FHIT: variants seen among roughly 807,000 people sequenced by gnomAD.
FHIT encodes bis(5'-adenosyl)-triphosphatase.
FHIT carries 19 observed loss-of-function variants against 17.9 expected under a neutral mutation model. That is an observed-to-expected ratio of 1.06 (90% CI 0.74 to 1.56). The LOEUF (loss-of-function observed/expected upper bound fraction) is 1.56, where lower values mean the gene tolerates loss of function less well. Ranked by LOEUF, FHIT falls within the 40% of genes most tolerant of loss-of-function variation. The probability of loss-of-function intolerance (pLI) is 0.00; values close to 1 mark genes in which losing one functional copy is unlikely to be tolerated. For missense variants in FHIT, 248 were observed against 189.2 expected (o/e 1.31, Z -1.82); for synonymous variants, 81 against 69.7 (o/e 1.16, Z -0.81).
chr3:60,924,714 C>T (rs1408818707), intron 3 of FHIT, among the ~76,000 whole-genome samples: 1 of 152,108 alleles, frequency 6.6e-6, no homozygotes, highest in Non-Finnish European at 1.5e-5. Flanking sequence ...CGGAGAATGA[C>T]TTTGACGAGT....
intron 4 of FHIT, among the ~76,000 whole-genome samples, chr3:60,806,132 C>G (rs1211940705): frequency 1.3e-5 from 2 of 152,202 alleles, no homozygotes; most frequent in Admixed American, 1.3e-4. Flanking sequence ...ATGTGGCACT[C>G]AAATACACAA....
At chr3:60,475,414 T>C (rs1419337839) in intron 5 of FHIT, among the ~76,000 whole-genome samples, 2 of 152,202 alleles carry the variant, frequency 1.3e-5, no homozygotes, top group Non-Finnish European at 2.9e-5. Context: ...AGAAAATAGA[T>C]TGAATACTGT....
In FHIT at chr3:60,970,263, T is replaced by G. The variant is rs77949539; in HGVS notation, c.-111+71784A>C. ...AAATATTTTGAGACCATGCTATATG[T>G]ACCTATACATATAGCTATGTCTGCT... On this transcript the variant is annotated intron_variant, in intron 3 of 9. Coordinates refer to ENST00000492590, the MANE Select transcript of FHIT (RefSeq NM_002012.4). Among the ~76,000 whole-genome samples, 15 of 152,358 alleles carry G rather than the reference T, an allele frequency of 9.8e-5. No homozygotes were observed. The East Asian group carries it at 2.9e-3, about 29-fold the overall frequency.
At chr3:60,644,161 G>A (rs1451991214) in intron 4 of FHIT, among the ~76,000 whole-genome samples, 1 of 152,152 alleles carries the variant, frequency 6.6e-6, no homozygotes, top group African/African-American at 2.4e-5. Context: ...TGCACTGGAG[G>A]AAAGATGTTC....
At chr3:60,540,564 T>C (rs957432719) in intron 4 of FHIT, among the ~76,000 whole-genome samples, 36 of 152,334 alleles carry the variant, frequency 2.4e-4, no homozygotes, top group African/African-American at 8.4e-4. Context: ...GCTTTGTGTG[T>C]TGGGGGGAAA....
At chr3:61,196,327 T>A (rs186041087) in intron 2 of FHIT, among the ~76,000 whole-genome samples, 93 of 152,210 alleles carry the variant, frequency 6.1e-4, no homozygotes, top group East Asian at 4.6e-3. Flanking sequence ...AAAATAAAAA[T>A]AAAATGTAAA....
intron 8 of FHIT, among the ~76,000 whole-genome samples, chr3:59,821,187 T>C (rs1242243864): frequency 6.6e-6 from 1 of 151,974 alleles, no homozygotes; most frequent in Non-Finnish European, 1.5e-5. Context: ...GGCAAGATAT[T>C]TGAGGAAGAA....
chr3:60,595,293 C>T (rs552065543), intron 4 of FHIT, among the ~76,000 whole-genome samples: 12 of 151,396 alleles, frequency 7.9e-5, no homozygotes, highest in African/African-American at 2.2e-4. Flanking sequence ...GGAGAGCCAA[C>T]GAGGAGAAAT....
chr3:60,567,969 A>G (rs1325222105), intron 4 of FHIT, among the ~76,000 whole-genome samples: 3 of 152,196 alleles, frequency 2.0e-5, no homozygotes, highest in African/African-American at 7.2e-5. Flanking sequence ...CAGGTGCTGG[A>G]GAGGATGTGG....
chr3:61,082,141 A>T (rs1258557931), intron 2 of FHIT, among the ~76,000 whole-genome samples: 1 of 152,176 alleles, frequency 6.6e-6, no homozygotes, highest in Non-Finnish European at 1.5e-5. Flanking sequence ...CATAAATCAG[A>T]ATGAATTTTT....
At chr3:60,812,830 G>C (rs1190407473) in intron 4 of FHIT, among the ~76,000 whole-genome samples, 3 of 152,158 alleles carry the variant, frequency 2.0e-5, no homozygotes, top group Non-Finnish European at 4.4e-5. Flanking sequence ...ATTCAGATTT[G>C]AAGGCTGGCT....
chr3:60,571,369 A>AAC (rs1559549076), intron 4 of FHIT, among the ~76,000 whole-genome samples: 6 of 119,750 alleles, frequency 5.0e-5, no homozygotes, highest in African/African-American at 1.3e-4. Flanking sequence ...AAAAAGAACA[A>AAC]TGAATGACGT....
At chr3:60,078,445 G>T (rs1404288440) in intron 5 of FHIT, among the ~76,000 whole-genome samples, 1 of 152,038 alleles carries the variant, frequency 6.6e-6, no homozygotes, top group Non-Finnish European at 1.5e-5. Context: ...ATTCTGAAAA[G>T]CAATAGGCTG....
chr3:60,629,722 T>C (rs1183655368), intron 4 of FHIT, among the ~76,000 whole-genome samples: 1 of 152,226 alleles, frequency 6.6e-6, no homozygotes, highest in Non-Finnish European at 1.5e-5. Context: ...CCTGTTTTTC[T>C]TTTGTTCTGT....
chr3:60,711,256 C>T (rs2041522358), intron 4 of FHIT, among the ~76,000 whole-genome samples: 1 of 152,146 alleles, frequency 6.6e-6, no homozygotes, highest in Admixed American at 6.5e-5. Context: ...AGGACATCCA[C>T]ACCAAAAACC....
chr3:61,180,013 G>C (rs1374194687), intron 2 of FHIT, among the ~76,000 whole-genome samples: 3 of 152,144 alleles, frequency 2.0e-5, no homozygotes, highest in African/African-American at 7.2e-5. Flanking sequence ...CTTTCAGTTT[G>C]CTAACTAGAC....
intron 7 of FHIT, among the ~76,000 whole-genome samples, chr3:59,968,035 A>G (rs1708009269): frequency 6.6e-6 from 1 of 152,120 alleles, no homozygotes. Flanking sequence ...AGCAAGAGTA[A>G]TATAGTAATA....
chr3:60,187,124 T>C (rs898698502), intron 5 of FHIT, among the ~76,000 whole-genome samples: 9 of 152,180 alleles, frequency 5.9e-5, no homozygotes, highest in Non-Finnish European at 1.0e-4. Context: ...ATGGTATACA[T>C]TGTGATTCAT....
At chr3:60,016,081 A>C (rs957635115) in intron 5 of FHIT, among the ~76,000 whole-genome samples, 1 of 152,238 alleles carries the variant, frequency 6.6e-6, no homozygotes, top group Non-Finnish European at 1.5e-5. Flanking sequence ...CATATTATAC[A>C]TAGGCTATGA....
Sources: allele counts gnomAD v4.1 joint callset (sites outside exome capture counted in the v4.1 genomes callset), GRCh38; gene constraint gnomAD v4.1.1; transcripts MANE v1.5; gene names NCBI Gene and HGNC (gene_info 2026-07-23, HGNC 2026-07-21).